Variants in PITPNA observed in about 807,000 individuals in gnomAD.
PITPNA encodes phosphatidylinositol transfer protein alpha isoform.
PITPNA carries 13 observed loss-of-function variants against 50.3 expected under a neutral mutation model. That is an observed-to-expected ratio of 0.26 (90% CI 0.17 to 0.41). The LOEUF (loss-of-function observed/expected upper bound fraction) is 0.41, where lower values mean the gene tolerates loss of function less well. Ranked by LOEUF, PITPNA falls within the 10% of genes least tolerant of loss-of-function variation. The pLI, the probability that PITPNA is intolerant of heterozygous loss-of-function variation, is 1.00. For synonymous variants in PITPNA, 120 were observed against 119.6 expected (o/e 1.00, Z -0.02); for missense variants, 207 against 333.4 (o/e 0.62, Z 2.95).
In PITPNA at chr17:1,562,579, G is replaced by GGCT; in HGVS notation, c.-22_-20dup. 1 of 1,297,586 alleles carries GGCT rather than the reference G, an allele frequency of 7.7e-7. No individual in the cohort carries two copies. Among genetic ancestry groups the GGCT allele is most frequent in the East Asian group, 3.3e-5 (1 of 29,898 alleles). 80.4% of individuals were successfully genotyped at this position (1,297,586 alleles called of 1,614,324 possible). ...GCACCATGTCGCTTCGCGGCTCGGT[G>GGCT]GCTGCCCGCGGCCCGCCCGGCCTCC... On this transcript the variant is annotated 5_prime_UTR_variant, in exon 1 of 12. Coordinates refer to ENST00000313486, the MANE Select transcript of PITPNA (RefSeq NM_006224.4). The surrounding 1 kb of genome is among the most constrained non-coding windows in gnomAD (Gnocchi z 6.4).
intron 3 of PITPNA, among the ~76,000 whole-genome samples, chr17:1,550,832 G>A (rs2075704315): frequency 6.6e-6 from 1 of 152,234 alleles, no homozygotes; most frequent in South Asian, 2.1e-4. Context: ...CGCTGGGAGT[G>A]ACAGACCATC....
At chr17:1,537,031 T>A (rs1443729688) in intron 7 of PITPNA, among the ~76,000 whole-genome samples, 1 of 151,838 alleles carries the variant, frequency 6.6e-6, no homozygotes. Flanking sequence ...CCCAAGTAGC[T>A]GGAATTATAG....
chr17:1,531,484 C>T (rs2075582940), intron 10 of PITPNA, among the ~76,000 whole-genome samples: 1 of 151,890 alleles, frequency 6.6e-6, no homozygotes, highest in Non-Finnish European at 1.5e-5. Context: ...GAGCCGAGAT[C>T]GTGCCACTGC....
chr17:1,557,916 G>A (rs1012084006), intron 2 of PITPNA, among the ~76,000 whole-genome samples: 1 of 152,130 alleles, frequency 6.6e-6, no homozygotes, highest in African/African-American at 2.4e-5. Flanking sequence ...TCCCAGAAAT[G>A]CACACACTTG....
chr17:1,557,034 T>C (rs78589864), intron 2 of PITPNA, among the ~76,000 whole-genome samples: 14,547 of 152,254 alleles, frequency 0.096, 1,229 homozygotes, highest in African/African-American at 0.23. Context: ...CCCAGGCACC[T>C]GGTTCTCAGG....
chr17:1,540,681 C>T (rs138172108), intron 6 of PITPNA, among the ~76,000 whole-genome samples: 3,138 of 151,874 alleles, frequency 0.021, 114 homozygotes, highest in African/African-American at 0.07. Context: ...CTTCGACTCC[C>T]GGGTTCACGC....
At chr17:1,527,325 T>A (rs2075553597) in intron 10 of PITPNA, among the ~76,000 whole-genome samples, 1 of 151,804 alleles carries the variant, frequency 6.6e-6, no homozygotes, top group South Asian at 2.1e-4. Context: ...CTCACCGCAA[T>A]CTCTGCCTCC....
In PITPNA at chr17:1,543,101, C is replaced by A. The variant is rs1449333010; in HGVS notation, c.290-74G>T. 5 of 1,206,906 alleles carry A rather than the reference C, an allele frequency of 4.1e-6. No homozygotes were observed. In the East Asian group the frequency reaches 1.0e-4, roughly 24 times the overall value. 74.8% of individuals were successfully genotyped at this position (1,206,906 alleles called of 1,614,324 possible). ...GATGAAGAAATATCTGCCCCCCACC[C>A]CCCACAAGGAGGACGAATGGCAGAG... On this transcript the variant is annotated intron_variant, in intron 4 of 11. Transcript: ENST00000313486.
At chr17:1,528,378 T>C (rs1029849039) in intron 10 of PITPNA, among the ~76,000 whole-genome samples, 4 of 152,086 alleles carry the variant, frequency 2.6e-5, no homozygotes, top group African/African-American at 9.7e-5. Flanking sequence ...TGACCTCAGG[T>C]GATCAGCCCA....
At chr17:1,544,002 G>A (rs750168990) in intron 4 of PITPNA, among the ~76,000 whole-genome samples, 3 of 152,212 alleles carry the variant, frequency 2.0e-5, no homozygotes, top group Non-Finnish European at 2.9e-5. Context: ...CCCAGCCCCC[G>A]CATGTGGCAT....
intron 4 of PITPNA, among the ~76,000 whole-genome samples, chr17:1,545,896 C>T (rs1438676506): frequency 1.3e-5 from 2 of 150,390 alleles, no homozygotes; most frequent in Non-Finnish European, 3.0e-5. Flanking sequence ...ACCAGACACA[C>T]CCAGCCACAC....
intron 10 of PITPNA, among the ~76,000 whole-genome samples, chr17:1,528,052 G>A (rs1392931477): frequency 1.3e-5 from 2 of 152,146 alleles, no homozygotes. Context: ...TTAGGTAGGC[G>A]TGGTGGCCTG....
At chr17:1,531,564 G>A (rs1373315727) in intron 10 of PITPNA, among the ~76,000 whole-genome samples, 1 of 151,758 alleles carries the variant, frequency 6.6e-6, no homozygotes, top group East Asian at 1.9e-4. Context: ...AAATTAAAAG[G>A]ATTTTGAGCC....
In PITPNA at chr17:1,562,576, G is replaced by C. The variant is rs1433318375; in HGVS notation, c.-16C>G. 10 of 1,307,488 alleles carry C rather than the reference G, an allele frequency of 7.6e-6. No homozygotes were observed. The highest frequency in any genetic ancestry group is 9.8e-6 in the Non-Finnish European group (10 of 1,020,476). 81.0% of individuals were successfully genotyped at this position (1,307,488 alleles called of 1,614,324 possible). On this transcript the variant is annotated 5_prime_UTR_variant, in exon 1 of 12. Coordinates refer to ENST00000313486, the MANE Select transcript of PITPNA (RefSeq NM_006224.4). This position sits in a 1 kb window ranked among gnomAD's most constrained non-coding sequence, Gnocchi z 6.4. ...GCAGCACCATGTCGCTTCGCGGCTCGGTGGCTGCCCGCGGCCCGCCCGGCC... is the reference window on the plus strand; with the variant it reads ...GCAGCACCATGTCGCTTCGCGGCTCCGTGGCTGCCCGCGGCCCGCCCGGCC...
At chr17:1,540,029 C>T (rs537704807) in intron 6 of PITPNA, among the ~76,000 whole-genome samples, 26 of 152,254 alleles carry the variant, frequency 1.7e-4, no homozygotes, top group Admixed American at 2.0e-4. Context: ...AGTGACATGA[C>T]TGAGAACGAA....
chr17:1,548,308 A>C lies in PITPNA; in HGVS notation c.277T>G (p.Tyr93Asp). 1 of 1,606,740 alleles carries C rather than the reference A, an allele frequency of 6.2e-7. No individual in the cohort carries two copies. Among genetic ancestry groups the C allele is most frequent in the Non-Finnish European group, 8.5e-7 (1 of 1,176,412 alleles). Residue 93 changes from tyrosine (Y) to aspartate (D), a missense_variant, in exon 4 of 12, where the codon TAC becomes GAC. Transcript: ENST00000313486. ...CGGCTGCACTCACCGGTTCTGCAGT[A>C]GGGGTAAGCATTCCAGGCTTTCTCG... ...IHEKAWNAYPYCRTVITNEYM... is the reference protein window; with the variant it reads ...IHEKAWNAYPDCRTVITNEYM...
At chr17:1,524,228 TAG>T (rs2075532668) in intron 10 of PITPNA, among the ~76,000 whole-genome samples, 1 of 150,444 alleles carries the variant, frequency 6.6e-6, no homozygotes, top group South Asian at 2.1e-4. Flanking sequence ...GTGTTTTTAG[TAG>T]AGACGGGGTT....
intron 4 of PITPNA, 89 bp from the exon 5 acceptor site, chr17:1,543,116 G>A (rs1017044383): frequency 1.3e-5 from 13 of 1,004,672 alleles, no homozygotes; most frequent in Middle Eastern, 4.1e-4. Context: ...CAAGGAGGAC[G>A]AATGGCAGAG....
At chr17:1,541,796 C>T (rs1250537130) in intron 5 of PITPNA, 156 bp from the exon 6 acceptor site, 2 of 708,524 alleles carry the variant, frequency 2.8e-6, no homozygotes, top group Non-Finnish European at 5.3e-6. Context: ...GAGCCCACGA[C>T]ACACTAGGCA....
Sources: gnomAD v4.1 joint callset for allele counts (sites outside exome capture counted in the v4.1 genomes callset) on GRCh38, gnomAD v4.1.1 for gene constraint, Gnocchi (gnomAD v3.1) non-coding constraint, MANE v1.5 for transcripts, NCBI Gene and HGNC (gene_info 2026-07-23, HGNC 2026-07-21) for gene names.